The following RPS6KB1 variants were observed in gnomAD, a reference collection of about 807,000 sequenced individuals.
RPS6KB1 encodes ribosomal protein S6 kinase beta-1.
RPS6KB1 carries 12 observed loss-of-function variants against 70.2 expected under a neutral mutation model. The observed-to-expected ratio is 0.17, with a 90% CI of 0.11 to 0.28. The LOEUF (loss-of-function observed/expected upper bound fraction) is 0.28. RPS6KB1 is among the 10% of genes least tolerant of loss of function. RPS6KB1 has a pLI of 1.00. For missense variants in RPS6KB1, 270 were observed against 646.6 expected (o/e 0.42, Z 6.32); for synonymous variants, 175 against 211.2 (o/e 0.83, Z 1.49).
At position 59,949,123 on chromosome 17, in the gene RPS6KB1, A is replaced by G. The variant is rs573841830; in HGVS notation, c.*2335A>G. ...CATAAAAAGCATTAATTGCACAGCT[A>G]CCATCCACACAAATACATAGTTTTT... On this transcript the variant is annotated 3_prime_UTR_variant, in exon 15 of 15. Coordinates refer to ENST00000225577, the MANE Select transcript of RPS6KB1 (RefSeq NM_003161.4). The G allele has an allele frequency of 1.0e-4, 16 of 152,724 alleles. No homozygotes were observed. The highest frequency in any genetic ancestry group is 3.1e-4 in the African/African-American group (13 of 41,580). 9.5% of individuals were successfully genotyped at this position (152,724 alleles called of 1,614,324 possible).
At position 59,910,882 on chromosome 17, in the gene RPS6KB1, T is replaced by C. The variant is rs2042591610; in HGVS notation, c.191+271T>C. 2.6e-5 allele frequency among the ~76,000 whole-genome samples: 4 copies of C among 152,342 alleles called. No individual in the cohort carries two copies. In the South Asian group the frequency reaches 8.3e-4, roughly 32 times the overall value. ...GTTGTTAGTTTAAAGAGCCACAGTT[T>C]TAATCTTTTCTTACAGAAAAATTTG... On this transcript the variant is annotated intron_variant, in intron 2 of 14. Transcript: ENST00000225577.
intron 4 of RPS6KB1, among the ~76,000 whole-genome samples, chr17:59,916,320 G>A (rs182795230): frequency 2.7e-5 from 4 of 150,356 alleles, no homozygotes; most frequent in East Asian, 4.0e-4. Context: ...TGCTGGTGTC[G>A]AACTCCTGAC....
intron 5 of RPS6KB1, among the ~76,000 whole-genome samples, chr17:59,928,156 TCACACACA>T (rs35314641): frequency 6.7e-6 from 1 of 150,248 alleles, no homozygotes; most frequent in Non-Finnish European, 1.5e-5. Context: ...AGACTCAGTC[TCACACACA>T]CACACACACA....
intron 4 of RPS6KB1, among the ~76,000 whole-genome samples, chr17:59,921,138 G>GT (rs1406579753): frequency 6.6e-6 from 1 of 152,096 alleles, no homozygotes; most frequent in Admixed American, 6.6e-5. Flanking sequence ...AAGAGTGCTT[G>GT]TTTTTTTTCC....
intron 4 of RPS6KB1, among the ~76,000 whole-genome samples, chr17:59,924,910 G>A (rs1218878242): frequency 6.6e-6 from 1 of 151,656 alleles, no homozygotes; most frequent in East Asian, 1.9e-4. Context: ...CTCACTGCAA[G>A]CTCCGCCTCC....
chr17:59,947,173 C>A lies in RPS6KB1; in HGVS notation c.*385C>A. On this transcript the variant is annotated 3_prime_UTR_variant, in exon 15 of 15. Coordinates refer to ENST00000225577, the MANE Select transcript of RPS6KB1 (RefSeq NM_003161.4). ...TTTCATTAGGCAAAGTACAAAATTG[C>A]CTATAATACTTGCAACTAAGGACAA... 10 of 1,045,542 alleles carry A rather than the reference C, an allele frequency of 9.6e-6. No homozygotes were observed. Among genetic ancestry groups the A allele is most frequent in the Non-Finnish European group, 1.2e-5 (10 of 867,934 alleles). The allele number at this position is 1,045,542 out of a possible 1,614,324, so 64.8% of individuals were successfully genotyped here.
At chr17:59,931,965 T>C (rs564797824) in intron 7 of RPS6KB1, among the ~76,000 whole-genome samples, 2 of 152,210 alleles carry the variant, frequency 1.3e-5, no homozygotes, top group Non-Finnish European at 2.9e-5. Context: ...CCTTACTCTT[T>C]ATAGTTTTTC....
At position 59,921,712 on chromosome 17, in the gene RPS6KB1, C is replaced by T. The variant is rs1232015473; in HGVS notation, c.382-4723C>T. Among the ~76,000 whole-genome samples, 3 of 152,190 alleles carry T rather than the reference C, an allele frequency of 2.0e-5. No individual in the cohort carries two copies. In the South Asian group the frequency reaches 6.2e-4, roughly 31 times the overall value. ...GGAATAGTGAGGAAAAGACTATCAA[C>T]AGCCATCACCCGACCCTACCAGTTG... is the stretch of plus-strand genomic sequence containing the variant. On this transcript the variant is annotated intron_variant, in intron 4 of 14. Transcript: ENST00000225577.
rs537302041 is a variant in RPS6KB1, at chr17:59,947,375, C to T, written c.*587C>T. ...GAAAAACATCCCAAACTTTAAAATGCGAAATTATTGGTTGGTGTGAAGAAA... is the reference window on the plus strand; with the variant it reads ...GAAAAACATCCCAAACTTTAAAATGTGAAATTATTGGTTGGTGTGAAGAAA... On this transcript the variant is annotated 3_prime_UTR_variant, in exon 15 of 15. Transcript: ENST00000225577. 3.8e-5 allele frequency: 46 copies of T among 1,215,756 alleles called. No homozygotes were observed. The highest frequency in any genetic ancestry group is 6.3e-5 in the African/African-American group (4 of 63,704). 75.3% of individuals were successfully genotyped at this position (1,215,756 alleles called of 1,614,324 possible). A position where few individuals can be genotyped will look rare whatever the true frequency, so the allele number is the denominator to read the frequency against.
intron 13 of RPS6KB1, among the ~76,000 whole-genome samples, chr17:59,943,890 T>TTTTA (rs1555654699): frequency 7.6e-6 from 1 of 132,430 alleles, no homozygotes; most frequent in African/African-American, 2.8e-5. Context: ...AAAAAAAAAA[T>TTTTA]TATATATATA....
At chr17:59,938,188 G>T (rs962538568) in intron 12 of RPS6KB1, among the ~76,000 whole-genome samples, 6 of 142,886 alleles carry the variant, frequency 4.2e-5, no homozygotes, top group Admixed American at 6.9e-5. Context: ...TTTTTTTGGG[G>T]GGGGGATAGG....
intron 5 of RPS6KB1, 131 bp downstream of exon 5, chr17:59,926,713 G>C: frequency 1.5e-6 from 1 of 657,382 alleles, no homozygotes; most frequent in Non-Finnish European, 2.5e-6. Flanking sequence ...GTACACTGAA[G>C]TACAAAATTC....
chr17:59,910,117 G>T (rs1025889695), intron 1 of RPS6KB1, among the ~76,000 whole-genome samples: 6 of 151,924 alleles, frequency 3.9e-5, no homozygotes, highest in African/African-American at 1.4e-4. Flanking sequence ...AACCTGGGAG[G>T]CGGAGGTTGC....
Position 59,901,625 on chromosome 17 carries a change from GAAAAAAAAA to G in RPS6KB1, c.141+8313_141+8321del, listed in dbSNP as rs58530265. On this transcript the variant is annotated intron_variant, in intron 1 of 14. Coordinates refer to ENST00000225577, the MANE Select transcript of RPS6KB1 (RefSeq NM_003161.4). ...GGCAGCATAACAGCACCCTGTCTCT[GAAAAAAAAA>G]AAAAAAAAAAAAGAAAAAAAAAGAA... 6.7e-4 allele frequency among the ~76,000 whole-genome samples: 53 copies of G among 79,196 alleles called. No homozygotes were observed. The East Asian group carries it at 0.014, about 22-fold the overall frequency. 52.0% of individuals were successfully genotyped at this position (79,196 alleles called of 152,430 possible).
At chr17:59,932,067 A>G (rs1444316240) in intron 7 of RPS6KB1, among the ~76,000 whole-genome samples, 1 of 152,126 alleles carries the variant, frequency 6.6e-6, no homozygotes, top group African/African-American at 2.4e-5. Context: ...ACTTAAATTG[A>G]AAAGTGAATC....
chr17:59,944,295 G>A (rs534434016), intron 13 of RPS6KB1, among the ~76,000 whole-genome samples: 32 of 152,154 alleles, frequency 2.1e-4, no homozygotes, highest in Non-Finnish European at 4.4e-4. Flanking sequence ...AATGAACATT[G>A]ACAGCTAGAG....
chr17:59,915,334 G>A (rs989588123), intron 4 of RPS6KB1, among the ~76,000 whole-genome samples: 38 of 152,050 alleles, frequency 2.5e-4, no homozygotes, highest in African/African-American at 8.9e-4. Flanking sequence ...AGAATGTGAG[G>A]TATGTTTCAT....
At chr17:59,895,409 C>T (rs1474685067) in intron 1 of RPS6KB1, among the ~76,000 whole-genome samples, 2 of 149,072 alleles carry the variant, frequency 1.3e-5, no homozygotes, top group African/African-American at 5.0e-5. Flanking sequence ...GCAGCCTCTG[C>T]CTCCCAGGTT....
intron 3 of RPS6KB1, among the ~76,000 whole-genome samples, chr17:59,914,421 A>G (rs1040181163): frequency 2.0e-5 from 3 of 152,192 alleles, no homozygotes; most frequent in African/African-American, 7.2e-5. Flanking sequence ...AGTGTTTATT[A>G]TTAGATGGTC....
Sources: allele counts gnomAD v4.1 joint callset (sites outside exome capture counted in the v4.1 genomes callset), GRCh38; gene constraint gnomAD v4.1.1; transcripts MANE v1.5; gene names NCBI Gene and HGNC (gene_info 2026-07-23, HGNC 2026-07-21).